The following CDH13 variants were observed in gnomAD, a reference collection of about 807,000 sequenced individuals.
CDH13 encodes cadherin-13.
Under a neutral mutation model 63.8 loss-of-function variants are expected in CDH13, and 24 were observed. The ratio of observed to expected loss-of-function variants is 0.38; its 90% CI spans 0.27 to 0.53. The LOEUF (loss-of-function observed/expected upper bound fraction) is 0.53. CDH13 is among the 20% of genes least tolerant of loss of function. CDH13 has a pLI of 0.85. For missense variants in CDH13, 1,049 were observed against 903.1 expected, an observed-to-expected ratio of 1.16 and a Z score of -2.07; for synonymous variants, 503 against 355.3, an observed-to-expected ratio of 1.42 and a Z score of -4.67.
At chr16:83,671,001 C>T (rs1024921443) in intron 9 of CDH13, 29 bp downstream of exon 9, 3 of 1,548,414 alleles carry the variant, frequency 1.9e-6, no homozygotes, top group African/African-American at 1.4e-5. Flanking sequence ...GCCTCTTTCT[C>T]CTCATGCGAG....
intron 1 of CDH13, among the ~76,000 whole-genome samples, chr16:82,750,189 A>G (rs2034351119): frequency 6.6e-6 from 1 of 152,236 alleles, no homozygotes; most frequent in Admixed American, 6.5e-5. Flanking sequence ...GGTTGTAAAC[A>G]GAAATCAGGA....
intron 2 of CDH13, among the ~76,000 whole-genome samples, chr16:83,006,051 C>T (rs1913458973): frequency 6.6e-6 from 1 of 152,170 alleles, no homozygotes; most frequent in Non-Finnish European, 1.5e-5. Flanking sequence ...CATTACATTT[C>T]ATGTCCTTAA....
chr16:83,467,875 G>A (rs1246499258), intron 6 of CDH13, among the ~76,000 whole-genome samples: 1 of 152,158 alleles, frequency 6.6e-6, no homozygotes, highest in Non-Finnish European at 1.5e-5. Flanking sequence ...CAGTACCCTG[G>A]GCAGCATAAA....
intron 7 of CDH13, among the ~76,000 whole-genome samples, chr16:83,503,875 G>T (rs1173453187): frequency 6.6e-6 from 1 of 151,490 alleles, no homozygotes; most frequent in East Asian, 1.9e-4. Context: ...TTCTTTTGCT[G>T]TGCAGAAGCT....
chr16:83,674,310 C>G (rs1914768453), intron 9 of CDH13, among the ~76,000 whole-genome samples: 1 of 152,210 alleles, frequency 6.6e-6, no homozygotes, highest in Non-Finnish European at 1.5e-5. Flanking sequence ...TCCTCTTGGA[C>G]ATAAAGTAGC....
chr16:83,025,288 C>T (rs1365873044), intron 2 of CDH13, among the ~76,000 whole-genome samples: 2 of 152,114 alleles, frequency 1.3e-5, no homozygotes, highest in African/African-American at 2.4e-5. Context: ...GTATATTAGT[C>T]CATTCTCATG....
At chr16:83,450,222 G>A (rs1321602483) in intron 6 of CDH13, among the ~76,000 whole-genome samples, 1 of 152,242 alleles carries the variant, frequency 6.6e-6, no homozygotes, top group Non-Finnish European at 1.5e-5. Context: ...AAACCCACCT[G>A]TGAGGCCCAT....
At chr16:83,660,640 C>G (rs186844244) in intron 8 of CDH13, among the ~76,000 whole-genome samples, 1 of 152,314 alleles carries the variant, frequency 6.6e-6, no homozygotes, top group Admixed American at 6.5e-5. Context: ...ATTGAATTCC[C>G]TACTCCTTTA....
chr16:82,835,360 C>A (rs148037549), intron 1 of CDH13, among the ~76,000 whole-genome samples: 112 of 152,314 alleles, frequency 7.4e-4, no homozygotes, highest in Non-Finnish European at 1.4e-3. Context: ...ATCTTGGTCT[C>A]TTCTTCCTTT....
intron 4 of CDH13, among the ~76,000 whole-genome samples, chr16:83,180,360 A>T (rs1286319788): frequency 1.3e-5 from 2 of 152,016 alleles, no homozygotes; most frequent in African/African-American, 4.8e-5. Context: ...CCTTTCCTTT[A>T]TAAGGTTAGG....
At chr16:83,648,064 T>A (rs984570430) in intron 8 of CDH13, among the ~76,000 whole-genome samples, 1 of 152,198 alleles carries the variant, frequency 6.6e-6, no homozygotes. Context: ...TTAGAACCTC[T>A]TAAATATTCC....
At chr16:83,263,395 T>C (rs1430184937) in intron 5 of CDH13, among the ~76,000 whole-genome samples, 2 of 152,202 alleles carry the variant, frequency 1.3e-5, no homozygotes, top group Non-Finnish European at 2.9e-5. Flanking sequence ...TGAACTCAAA[T>C]CTGCCTTTTA....
At chr16:83,403,211 C>T (rs2091993411) in intron 6 of CDH13, among the ~76,000 whole-genome samples, 1 of 152,138 alleles carries the variant, frequency 6.6e-6, no homozygotes, top group African/African-American at 2.4e-5. Context: ...AAAATGGGCT[C>T]TTTAGGACAG....
intron 1 of CDH13, among the ~76,000 whole-genome samples, chr16:82,814,672 C>A (rs1462052): frequency 2.0e-5 from 3 of 151,960 alleles, no homozygotes; most frequent in African/African-American, 7.3e-5. Flanking sequence ...ATAATAAATG[C>A]GTAAATATAA....
At chr16:83,352,055 C>A (rs2090961763) in intron 6 of CDH13, among the ~76,000 whole-genome samples, 1 of 152,132 alleles carries the variant, frequency 6.6e-6, no homozygotes, top group Non-Finnish European at 1.5e-5. Flanking sequence ...TTCCTTAGGT[C>A]ATCACTGGAA....
intron 3 of CDH13, among the ~76,000 whole-genome samples, chr16:83,051,090 G>A (rs550230681): frequency 5.3e-5 from 8 of 152,182 alleles, no homozygotes; most frequent in Non-Finnish European, 7.4e-5. Context: ...TCCAATCTGC[G>A]TGCCTGTTAC....
At chr16:83,563,626 G>A (rs1262055065) in intron 7 of CDH13, among the ~76,000 whole-genome samples, 1 of 152,154 alleles carries the variant, frequency 6.6e-6, no homozygotes, top group East Asian at 1.9e-4. Context: ...TTTGACTGAA[G>A]TGCAAGTTTC....
At chr16:83,179,279 C>T (rs1025488654) in intron 4 of CDH13, among the ~76,000 whole-genome samples, 3 of 152,080 alleles carry the variant, frequency 2.0e-5, no homozygotes, top group Non-Finnish European at 2.9e-5. Flanking sequence ...GTCCCTAGCA[C>T]TACAAGCTAT....
Position 82,974,725 on chromosome 16 carries a change from G to T in CDH13, c.158-57285G>T, listed in dbSNP as rs149722059. Among the ~76,000 whole-genome samples the T allele has an allele frequency of 3.9e-3, 600 of 152,292 alleles. 3 individuals are homozygous for T. Among genetic ancestry groups the T allele is most frequent in the Middle Eastern group, 0.017 (5 of 292 alleles). On this transcript the variant is annotated intron_variant, in intron 2 of 13. Coordinates refer to ENST00000567109, the MANE Select transcript of CDH13 (RefSeq NM_001257.5). ...AGAGATTTAAAGATGCTCTATTGCTGTCTTTGAAGATAGAGGAAGGGGCCA... is the reference window on the plus strand; with the variant it reads ...AGAGATTTAAAGATGCTCTATTGCTTTCTTTGAAGATAGAGGAAGGGGCCA...
Sources: allele counts gnomAD v4.1 joint callset (sites outside exome capture counted in the v4.1 genomes callset), GRCh38; gene constraint gnomAD v4.1.1; transcripts MANE v1.5; gene names NCBI Gene and HGNC (gene_info 2026-07-23, HGNC 2026-07-21).